The following AGXT2 variants were observed in gnomAD, a reference collection of about 807,000 sequenced individuals.
The protein encoded by AGXT2 is alanine--glyoxylate aminotransferase 2, mitochondrial.
A neutral mutation model predicts 62.5 loss-of-function variants in AGXT2; 61 were observed. The observed-to-expected ratio is 0.98, with a 90% confidence interval of 0.79 to 1.21. AGXT2 has a LOEUF of 1.21. Ranked by LOEUF, AGXT2 falls within the 50% of genes most tolerant of loss-of-function variation. AGXT2 has a pLI of 0.00. For missense variants in AGXT2, 666 were observed against 641.5 expected, an observed-to-expected ratio of 1.04 and a Z score of -0.41; for synonymous variants, 243 against 218.7, an observed-to-expected ratio of 1.11 and a Z score of -0.98.
At chr5:35,012,727 G>T in intron 11 of AGXT2, 1 of 541,634 alleles carries the variant, frequency 1.8e-6, no homozygotes. Context: ...TCCCATGTAT[G>T]TGAGGTTTAT....
chr5:35,026,099 T>C (rs1316737218), intron 8 of AGXT2: 3 of 593,038 alleles, frequency 5.1e-6, no homozygotes, highest in African/African-American at 1.9e-5. Flanking sequence ...ATAAAAGAAA[T>C]TGGTGAGACT....
chr5:35,023,113 ATTCT>A (rs57163618), intron 9 of AGXT2, among the ~76,000 whole-genome samples: 24,330 of 148,398 alleles, frequency 0.16, 2,468 homozygotes, highest in East Asian at 0.42. Context: ...GGTTTCACAT[ATTCT>A]TTGTCTTATT....
chr5:35,027,777 A>G (rs958182725), intron 7 of AGXT2, among the ~76,000 whole-genome samples: 5 of 150,680 alleles, frequency 3.3e-5, no homozygotes, highest in African/African-American at 9.8e-5. Context: ...GTAGGGCATT[A>G]GAGTCTAAGA....
At chr5:35,026,606 A>AAC in intron 7 of AGXT2, 96 bp from the exon 8 acceptor site, 2 of 1,167,488 alleles carry the variant, frequency 1.7e-6, no homozygotes, top group Non-Finnish European at 1.2e-6. Flanking sequence ...AAAAAAAAAA[A>AAC]CAACCAGACA....
At chr5:35,040,063 C>CAGAG (rs371303344) in intron 2 of AGXT2, among the ~76,000 whole-genome samples, 274 of 143,892 alleles carry the variant, frequency 1.9e-3, no homozygotes, top group African/African-American at 6.7e-3. Context: ...GCATGCATAA[C>CAGAG]AGAGAGAGAG....
At chr5:35,000,636 C>A (rs565379906) in intron 13 of AGXT2, among the ~76,000 whole-genome samples, 1 of 152,336 alleles carries the variant, frequency 6.6e-6, no homozygotes, top group Admixed American at 6.5e-5. Flanking sequence ...CCGCTTCGGC[C>A]TCCCAAAGTG....
In AGXT2 at chr5:35,026,467, A is replaced by G; in HGVS notation, c.813T>C (p.Asp271=). 1 of 1,614,188 alleles carries G rather than the reference A, an allele frequency of 6.2e-7. No homozygotes were observed. Among genetic ancestry groups the G allele is most frequent in the African/African-American group, 1.3e-5 (1 of 75,072 alleles). ...ACTTGGCCACAGATGTGCTCAGCGTATCTTTGAATTGCTCAATATACTGAT... is the reference window on the plus strand; with the variant it reads ...ACTTGGCCACAGATGTGCTCAGCGTGTCTTTGAATTGCTCAATATACTGAT... ...AKDQYIEQFK[D]TLSTSVAKSI... is the part of the protein sequence containing the mutation. Residue 271 remains aspartate, a synonymous_variant, in exon 8 of 14, where the codon GAT becomes GAC. Transcript: ENST00000231420.
In AGXT2 at chr5:35,003,753, T is replaced by G. The variant is rs1292335076; in HGVS notation, c.1437+10A>C. 2 of 1,612,470 alleles carry G rather than the reference T, an allele frequency of 1.2e-6. No homozygotes were observed. The highest frequency in any genetic ancestry group is 2.7e-5 in the African/African-American group (2 of 74,894). ...CTAGAGCGATAGGTAAAAACCAGTC[T>G]TTCTCTTACCTGAGAAAAAATGCTG... On this transcript the variant is annotated intron_variant, in intron 13 of 13. Coordinates refer to ENST00000231420, the MANE Select transcript of AGXT2 (RefSeq NM_031900.4).
chr5:35,011,636 T>C (rs2112193283), intron 11 of AGXT2, among the ~76,000 whole-genome samples: 1 of 152,180 alleles, frequency 6.6e-6, no homozygotes. Flanking sequence ...GTAAATCAAG[T>C]TCATGGTCGA....
chr5:35,027,767 G>A (rs1767413953), intron 7 of AGXT2, among the ~76,000 whole-genome samples: 1 of 150,832 alleles, frequency 6.6e-6, no homozygotes, highest in South Asian at 2.2e-4. Flanking sequence ...TTCCAAGTGC[G>A]TAGGGCATTA....
intron 4 of AGXT2, among the ~76,000 whole-genome samples, chr5:35,035,959 C>A (rs987378171): frequency 1.3e-5 from 2 of 152,090 alleles, no homozygotes; most frequent in African/African-American, 4.8e-5. Context: ...CACCTGTAAT[C>A]CCAGCTACTT....
intron 1 of AGXT2, among the ~76,000 whole-genome samples, chr5:35,046,715 G>A (rs927582249): frequency 1.3e-5 from 2 of 152,114 alleles, no homozygotes; most frequent in African/African-American, 2.4e-5. Context: ...AAGGAAGGAG[G>A]GTGAAAGGGA....
At chr5:35,041,449 C>G (rs1426849965) in intron 1 of AGXT2, among the ~76,000 whole-genome samples, 3 of 152,142 alleles carry the variant, frequency 2.0e-5, no homozygotes, top group Non-Finnish European at 2.9e-5. Context: ...ACTCCTCTGA[C>G]TCCTAGCCCA....
chr5:35,014,750 A>C, intron 9 of AGXT2, among the ~76,000 whole-genome samples: 1 of 152,208 alleles, frequency 6.6e-6, no homozygotes, highest in South Asian at 2.1e-4. Flanking sequence ...GACAGGGATC[A>C]TTATGATTAA....
At chr5:35,032,962 G>C in intron 6 of AGXT2, 137 bp from the exon 7 acceptor site, 1 of 752,340 alleles carries the variant, frequency 1.3e-6, no homozygotes, top group Non-Finnish European at 2.3e-6. Flanking sequence ...GATGAAAATT[G>C]AAGGATCTGC....
At chr5:35,018,180 C>T (rs550040785) in intron 9 of AGXT2, among the ~76,000 whole-genome samples, 67 of 152,278 alleles carry the variant, frequency 4.4e-4, no homozygotes, top group African/African-American at 1.6e-3. Context: ...CTTCCCCAAT[C>T]TAGCAAGGCA....
chr5:35,028,611 GAGAGAGAGAAA>G (rs778264653), intron 7 of AGXT2, among the ~76,000 whole-genome samples: 6,081 of 50,302 alleles, frequency 0.12, 826 homozygotes, highest in Admixed American at 0.14. Context: ...GAGAGAGAGA[GAGAGAGAGAAA>G]TTCTTCTACT....
intron 6 of AGXT2, 89 bp from the exon 7 acceptor site, chr5:35,032,914 G>T: frequency 9.5e-7 from 1 of 1,054,064 alleles, no homozygotes; most frequent in Non-Finnish European, 1.4e-6. Context: ...AGACAAGAGG[G>T]CTTCTTAGTT....
intron 3 of AGXT2, among the ~76,000 whole-genome samples, chr5:35,038,907 AG>A (rs2112282490): frequency 6.6e-6 from 1 of 152,272 alleles, no homozygotes; most frequent in South Asian, 2.1e-4. Context: ...CATCTCTCAG[AG>A]GCCATGAAGA....
Sources: allele counts gnomAD v4.1 joint callset (sites outside exome capture counted in the v4.1 genomes callset), GRCh38; gene constraint gnomAD v4.1.1; transcripts MANE v1.5; gene names NCBI Gene and HGNC (gene_info 2026-07-23, HGNC 2026-07-21).